CPAP: variants seen among roughly 807,000 people sequenced by gnomAD.
CPAP encodes centrosomal P4.1-associated protein.
chr13:24,895,172 G>C, the CPAP span, among the ~76,000 whole-genome samples: 145 of 152,372 alleles, frequency 9.5e-4, no homozygotes, highest in African/African-American at 3.3e-3. Flanking sequence ...CCGCACCTGC[G>C]GAAGGCGCAG....
the CPAP span, among the ~76,000 whole-genome samples, chr13:24,923,053 T>C: frequency 0.017 from 2,569 of 152,270 alleles, 34 homozygotes; most frequent in South Asian, 0.035. Context: ...GCGGGCGGCG[T>C]GGCGGGGCGG....
chr13:24,924,002 T>A, the CPAP span, among the ~76,000 whole-genome samples: 6 of 152,028 alleles, frequency 3.9e-5, no homozygotes, highest in African/African-American at 1.4e-4. Context: ...CTAATTTTTT[T>A]ATTTTTATTT....
At chr13:24,883,005 T>TATCA in the CPAP span, 6 of 627,956 alleles carry the variant, frequency 9.6e-6, no homozygotes, top group Admixed American at 1.6e-4. Context: ...AAATGAGAGC[T>TATCA]ATCATTGCAT....
At chr13:24,892,592 G>C in the CPAP span, 1 of 1,379,228 alleles carries the variant, frequency 7.3e-7, no homozygotes, top group Non-Finnish European at 1.0e-6. Context: ...TGAATGCTCA[G>C]ATATTGAAGC....
chr13:24,903,435 C>G, the CPAP span, among the ~76,000 whole-genome samples: 4 of 152,186 alleles, frequency 2.6e-5, no homozygotes, highest in East Asian at 7.7e-4. Context: ...CATGTGACCA[C>G]AGAGGCAGAG....
chr13:24,884,218 T>C, the CPAP span: 1 of 1,614,112 alleles, frequency 6.2e-7, no homozygotes. Context: ...GTCGTGTGAG[T>C]GGTCTGGGCA....
At chr13:24,909,393 T>C in the CPAP span, among the ~76,000 whole-genome samples, 1 of 152,014 alleles carries the variant, frequency 6.6e-6, no homozygotes, top group Non-Finnish European at 1.5e-5. Context: ...CTGGGCATGG[T>C]GGCACATACC....
the CPAP span, chr13:24,892,732 T>G: frequency 6.2e-7 from 1 of 1,614,154 alleles, no homozygotes; most frequent in East Asian, 2.2e-5. Flanking sequence ...TCCATCACTT[T>G]TATTTCTTCC....
At chr13:24,888,670 A>G in the CPAP span, among the ~76,000 whole-genome samples, 49 of 152,346 alleles carry the variant, frequency 3.2e-4, no homozygotes, top group African/African-American at 1.1e-3. Context: ...ATCCTAGAGA[A>G]GCCACAGGAT....
the CPAP span, among the ~76,000 whole-genome samples, chr13:24,920,236 G>T: frequency 2.6e-5 from 4 of 152,170 alleles, no homozygotes; most frequent in Non-Finnish European, 5.9e-5. Flanking sequence ...CATAATCCAC[G>T]AATAGTATCA....
At chr13:24,913,277 A>G in the CPAP span, among the ~76,000 whole-genome samples, 2 of 152,256 alleles carry the variant, frequency 1.3e-5, no homozygotes, top group African/African-American at 4.8e-5. Flanking sequence ...CAAATTGAGT[A>G]GATCAAAAAC....
the CPAP span, among the ~76,000 whole-genome samples, chr13:24,898,524 T>C: frequency 6.6e-6 from 1 of 152,242 alleles, no homozygotes; most frequent in African/African-American, 2.4e-5. Context: ...ATATTTATAT[T>C]ACCTTTTGAA....
the CPAP span, chr13:24,908,036 A>G: frequency 6.2e-7 from 1 of 1,611,058 alleles, no homozygotes; most frequent in South Asian, 1.1e-5. Flanking sequence ...AATATTAGCC[A>G]CTTCTGAGGA....
chr13:24,883,903 G>C, the CPAP span: 1 of 1,609,102 alleles, frequency 6.2e-7, no homozygotes, highest in Non-Finnish European at 8.5e-7. Flanking sequence ...GGCACCTTCT[G>C]AGCACAGATG....
chr13:24,887,368 G>A, the CPAP span, among the ~76,000 whole-genome samples: 1 of 152,170 alleles, frequency 6.6e-6, no homozygotes, highest in African/African-American at 2.4e-5. Flanking sequence ...GCGGGTGGGC[G>A]AGCCAGCGAA....
chr13:24,911,693 C>T, the CPAP span, among the ~76,000 whole-genome samples: 9 of 149,810 alleles, frequency 6.0e-5, no homozygotes, highest in Non-Finnish European at 1.2e-4. Flanking sequence ...TGGACCACCA[C>T]ACCCAGCTCA....
the CPAP span, among the ~76,000 whole-genome samples, chr13:24,900,516 C>T: frequency 0.057 from 8,701 of 152,132 alleles, 835 homozygotes; most frequent in African/African-American, 0.2. Context: ...GGCATGGTGG[C>T]GAATGCCTGT....
the CPAP span, chr13:24,884,217 G>A: frequency 1.2e-6 from 2 of 1,614,174 alleles, no homozygotes; most frequent in Non-Finnish European, 1.7e-6. Flanking sequence ...TGTCGTGTGA[G>A]TGGTCTGGGC....
the CPAP span, among the ~76,000 whole-genome samples, chr13:24,895,738 T>G: frequency 6.6e-6 from 1 of 152,212 alleles, no homozygotes; most frequent in East Asian, 1.9e-4. Context: ...ACTGGTCAAG[T>G]TGGGACCACT....
Sources: allele counts gnomAD v4.1 joint callset (sites outside exome capture counted in the v4.1 genomes callset), GRCh38; gene constraint gnomAD v4.1.1; transcripts MANE v1.5; gene names NCBI Gene and HGNC (gene_info 2026-07-23, HGNC 2026-07-21).